Variants in LUZP2 observed in about 807,000 individuals in gnomAD.
LUZP2 encodes the protein leucine zipper protein 2.
Under a neutral mutation model 51.6 loss-of-function variants are expected in LUZP2, and 52 were observed. The ratio of observed to expected loss-of-function variants is 1.01; its 90% CI spans 0.81 to 1.27. The LOEUF (loss-of-function observed/expected upper bound fraction) is 1.27. Ranked by LOEUF, LUZP2 falls within the 50% of genes most tolerant of loss-of-function variation. LUZP2 has a pLI of 0.00. For synonymous variants in LUZP2, 154 were observed against 137.3 expected (o/e 1.12, Z -0.85); for missense variants, 436 against 395.4 (o/e 1.10, Z -0.87).
At chr11:24,665,783 G>A (rs978472027) in intron 1 of LUZP2, among the ~76,000 whole-genome samples, 11 of 152,076 alleles carry the variant, frequency 7.2e-5, no homozygotes, top group Non-Finnish European at 1.5e-5. Flanking sequence ...CACCGCCCCT[G>A]ACACCACGTG....
chr11:24,566,701 A>ATG (rs200559271), intron 1 of LUZP2, among the ~76,000 whole-genome samples: 1 of 146,284 alleles, frequency 6.8e-6, no homozygotes, highest in Admixed American at 7.0e-5. Context: ...TCACTAGGTA[A>ATG]TGTGTGTGTG....
chr11:24,657,655 C>A (rs1855853703), intron 1 of LUZP2, among the ~76,000 whole-genome samples: 1 of 152,154 alleles, frequency 6.6e-6, no homozygotes, highest in African/African-American at 2.4e-5. Context: ...TTGGAGATGA[C>A]ATGAATTGTA....
intron 5 of LUZP2, among the ~76,000 whole-genome samples, chr11:24,831,667 C>G (rs748015662): frequency 2.0e-4 from 31 of 152,024 alleles, no homozygotes; most frequent in Non-Finnish European, 3.4e-4. Flanking sequence ...TTGTAGCATG[C>G]CATTTAGTGA....
At chr11:24,696,129 G>A (rs567512096) in intron 1 of LUZP2, among the ~76,000 whole-genome samples, 3 of 152,134 alleles carry the variant, frequency 2.0e-5, no homozygotes, top group East Asian at 3.9e-4. Flanking sequence ...GAAAGCCATG[G>A]GGACAGTGGT....
chr11:24,745,565 T>C (rs1344616027), intron 4 of LUZP2, among the ~76,000 whole-genome samples: 1 of 152,204 alleles, frequency 6.6e-6, no homozygotes. Context: ...TGAATTGCCC[T>C]TTCTACCACT....
chr11:24,899,261 A>G (rs1355512382), intron 5 of LUZP2, among the ~76,000 whole-genome samples: 2 of 152,072 alleles, frequency 1.3e-5, no homozygotes, highest in Non-Finnish European at 2.9e-5. Flanking sequence ...TATATCTTAT[A>G]GCGTGTGATT....
intron 5 of LUZP2, among the ~76,000 whole-genome samples, chr11:24,803,158 C>T (rs997939826): frequency 2.0e-5 from 3 of 151,884 alleles, no homozygotes; most frequent in African/African-American, 7.3e-5. Context: ...ATAAAGAACT[C>T]TCTAAAACTC....
Position 25,025,908 on chromosome 11 carries a change from G to C in LUZP2, c.766-24130G>C, listed in dbSNP as rs137952821. On this transcript the variant is annotated intron_variant, in intron 9 of 11. Coordinates refer to ENST00000336930, the MANE Select transcript of LUZP2 (RefSeq NM_001009909.4). ...CGAACCAACCCAAATGTCCATCAGT[G>C]ATAGACTGGATTAAGAAAATGTGGC... 3.6e-3 allele frequency among the ~76,000 whole-genome samples: 549 copies of C among 152,292 alleles called. 1 individual carries two copies. The highest frequency in any genetic ancestry group is 0.012 in the African/African-American group (497 of 41,562).
At chr11:24,769,155 G>A (rs1044086645) in intron 5 of LUZP2, among the ~76,000 whole-genome samples, 1 of 152,180 alleles carries the variant, frequency 6.6e-6, no homozygotes, top group African/African-American at 2.4e-5. Context: ...AATACTGCAT[G>A]ATGTCACTCA....
intron 5 of LUZP2, among the ~76,000 whole-genome samples, chr11:24,827,611 A>G (rs1322014418): frequency 1.3e-5 from 2 of 152,158 alleles, no homozygotes; most frequent in Non-Finnish European, 2.9e-5. Flanking sequence ...CAATATGACT[A>G]AAATAGAAGG....
chr11:24,564,668 A>G (rs575605463), intron 1 of LUZP2, among the ~76,000 whole-genome samples: 19 of 152,246 alleles, frequency 1.2e-4, no homozygotes, highest in African/African-American at 4.1e-4. Context: ...TACTGTTGAT[A>G]AAGTGTTTGA....
chr11:24,498,890 C>T (rs952878126), intron 1 of LUZP2, among the ~76,000 whole-genome samples: 1 of 152,178 alleles, frequency 6.6e-6, no homozygotes, highest in South Asian at 2.1e-4. Flanking sequence ...TGATTTTAGA[C>T]TGTGAACATC....
At chr11:24,627,777 T>G (rs756272631) in intron 1 of LUZP2, among the ~76,000 whole-genome samples, 8 of 152,132 alleles carry the variant, frequency 5.3e-5, no homozygotes, top group Non-Finnish European at 1.2e-4. Flanking sequence ...CCTTACAAGG[T>G]CATGCCACAT....
chr11:24,900,697 T>C (rs571539317), intron 5 of LUZP2, among the ~76,000 whole-genome samples: 1 of 152,304 alleles, frequency 6.6e-6, no homozygotes, highest in East Asian at 1.9e-4. Flanking sequence ...AAAACCATGT[T>C]CAAACACAGC....
At chr11:24,777,091 T>C (rs1848951648) in intron 5 of LUZP2, among the ~76,000 whole-genome samples, 1 of 150,150 alleles carries the variant, frequency 6.7e-6, no homozygotes, top group Non-Finnish European at 1.5e-5. Flanking sequence ...GCCTCCCGGG[T>C]TCATGCCATT....
At chr11:24,759,936 G>A (rs75089723) in intron 4 of LUZP2, among the ~76,000 whole-genome samples, 8 of 152,118 alleles carry the variant, frequency 5.3e-5, no homozygotes, top group Non-Finnish European at 8.8e-5. Context: ...CCTGGTGGTC[G>A]GGCTACAGCT....
chr11:24,972,302 T>C (rs1855763974), intron 7 of LUZP2, among the ~76,000 whole-genome samples: 1 of 152,092 alleles, frequency 6.6e-6, no homozygotes, highest in Non-Finnish European at 1.5e-5. Flanking sequence ...TAATATAAAC[T>C]GTATTACTTA....
At chr11:25,014,931 G>T (rs1314867738) in intron 9 of LUZP2, among the ~76,000 whole-genome samples, 1 of 152,110 alleles carries the variant, frequency 6.6e-6, no homozygotes, top group African/African-American at 2.4e-5. Flanking sequence ...TTTTGTATAA[G>T]GTGTAAGGAA....
At chr11:25,026,914 TAA>T (rs1300594652) in intron 9 of LUZP2, among the ~76,000 whole-genome samples, 2 of 151,530 alleles carry the variant, frequency 1.3e-5, no homozygotes, top group Non-Finnish European at 2.9e-5. Flanking sequence ...TATTATACTT[TAA>T]GTTTTAAACC....
Sources: allele counts gnomAD v4.1 joint callset (sites outside exome capture counted in the v4.1 genomes callset), GRCh38; gene constraint gnomAD v4.1.1; transcripts MANE v1.5; gene names NCBI Gene and HGNC (gene_info 2026-07-23, HGNC 2026-07-21).